The following THSD7B variants were observed in gnomAD, a reference collection of about 807,000 sequenced individuals.
THSD7B encodes the protein thrombospondin type 1 domain containing 7B.
In THSD7B, 138 loss-of-function variants were observed where a neutral mutation model predicts 213.6. The observed-to-expected ratio is 0.65, with a 90% confidence interval of 0.56 to 0.74. The LOEUF is 0.74. Ranked by LOEUF, THSD7B falls within the 30% of genes least tolerant of loss-of-function variation. The probability of loss-of-function intolerance (pLI) is 0.00; values close to 1 mark genes in which losing one functional copy is unlikely to be tolerated. For missense variants in THSD7B, 1,931 were observed against 1,991.5 expected (o/e 0.97, Z 0.58); for synonymous variants, 742 against 687.0 (o/e 1.08, Z -1.25).
At chr2:136,802,335 T>A (rs1189562510) in intron 1 of THSD7B, among the ~76,000 whole-genome samples, 1 of 151,784 alleles carries the variant, frequency 6.6e-6, no homozygotes, top group African/African-American at 2.4e-5. Context: ...TTTTGCAATA[T>A]GTGTACAGTG....
chr2:136,786,542 G>A lies in THSD7B; in HGVS notation c.-36+20855G>A, dbSNP rs188640884. Among the ~76,000 whole-genome samples the A allele has an allele frequency of 5.0e-3, 753 of 152,094 alleles. 4 individuals carry two copies. Among genetic ancestry groups the A allele is most frequent in the South Asian group, 0.018 (89 of 4,816 alleles). On this transcript the variant is annotated intron_variant, in intron 1 of 27. Coordinates refer to ENST00000409968, the MANE Select transcript of THSD7B (RefSeq NM_001316349.2). Reference sequence around the variant, plus strand: ...TGATTGCTTCTTCAATGTGTTGCTTGCTTGGCTTGTTTCTCTTGTATTTAT... The same window carrying A: ...TGATTGCTTCTTCAATGTGTTGCTTACTTGGCTTGTTTCTCTTGTATTTAT...
rs914896060 is a variant in THSD7B at position 137,094,735 on chromosome 2, C to A, written c.951-138C>A. 6 of 1,046,256 alleles carry A rather than the reference C, an allele frequency of 5.7e-6. No homozygotes were observed. In the East Asian group the frequency reaches 1.5e-4, roughly 25 times the overall value. The allele number at this position is 1,046,256 out of a possible 1,614,324, so 64.8% of individuals were successfully genotyped here. A position where few individuals can be genotyped will look rare whatever the true frequency, so the allele number is the denominator to read the frequency against. On this transcript the variant is annotated intron_variant, in intron 3 of 27. Transcript: ENST00000409968. ...ACTCTTCAATATTTTTTCATGATGT[C>A]TCTAAAATTTTTTAAAAATCTTCCT...
At chr2:137,076,593 C>T (rs948822956) in intron 3 of THSD7B, among the ~76,000 whole-genome samples, 10 of 152,136 alleles carry the variant, frequency 6.6e-5, no homozygotes, top group South Asian at 6.3e-4. Context: ...CTGCACCCAC[C>T]GTCCTGGGCC....
intron 10 of THSD7B, among the ~76,000 whole-genome samples, chr2:137,255,081 T>C (rs898353768): frequency 2.0e-5 from 3 of 152,228 alleles, no homozygotes; most frequent in African/African-American, 7.2e-5. Flanking sequence ...AATAACATTA[T>C]ATATGACCAA....
At chr2:137,581,766 A>G (rs528475227) in intron 17 of THSD7B, among the ~76,000 whole-genome samples, 2 of 141,612 alleles carry the variant, frequency 1.4e-5, no homozygotes, top group African/African-American at 5.2e-5. Flanking sequence ...TCTCAAAAAA[A>G]AAAATAAAAA....
intron 20 of THSD7B, among the ~76,000 whole-genome samples, chr2:137,635,102 G>C (rs1682809055): frequency 1.3e-5 from 2 of 152,124 alleles, no homozygotes; most frequent in Non-Finnish European, 2.9e-5. Flanking sequence ...AGAGGAAAAG[G>C]CTCAGAGAGG....
intron 12 of THSD7B, among the ~76,000 whole-genome samples, chr2:137,398,854 T>A (rs1574006287): frequency 6.6e-6 from 1 of 152,248 alleles, no homozygotes; most frequent in East Asian, 1.9e-4. Flanking sequence ...AGGTGCGGGA[T>A]ATAATCTCTT....
chr2:137,530,534 G>A (rs966037543), intron 15 of THSD7B, among the ~76,000 whole-genome samples: 5 of 152,008 alleles, frequency 3.3e-5, no homozygotes, highest in African/African-American at 1.2e-4. Context: ...AGTCAGCTTG[G>A]TCATCAGCCT....
Position 137,336,794 on chromosome 2 carries a change from CT to C in THSD7B, c.2500+60771del, listed in dbSNP as rs143787814. On this transcript the variant is annotated intron_variant, in intron 12 of 27. Transcript: ENST00000409968. ...TATCGAAGCATTACATACATAAAAG[CT>C]TTCCATTATTTTTTAAAAGTATTCA... 7.3e-3 allele frequency among the ~76,000 whole-genome samples: 1,113 copies of C among 152,178 alleles called. 16 individuals carry two copies. Among genetic ancestry groups the C allele is most frequent in the African/African-American group, 0.025 (1,037 of 41,514 alleles).
chr2:137,323,759 C>T (rs920177177), intron 12 of THSD7B, among the ~76,000 whole-genome samples: 1 of 152,112 alleles, frequency 6.6e-6, no homozygotes, highest in Admixed American at 6.6e-5. Context: ...CTAGGGTGAA[C>T]TGGTAATTTT....
At chr2:137,109,579 A>G (rs1467704337) in intron 4 of THSD7B, among the ~76,000 whole-genome samples, 1 of 152,146 alleles carries the variant, frequency 6.6e-6, no homozygotes, top group Non-Finnish European at 1.5e-5. Flanking sequence ...GCAGTGATGG[A>G]TCATCAGGCA....
intron 17 of THSD7B, among the ~76,000 whole-genome samples, 193 bp from the exon 18 acceptor site, chr2:137,615,982 A>G (rs1682378577): frequency 6.6e-6 from 1 of 152,214 alleles, no homozygotes; most frequent in Admixed American, 6.5e-5. Flanking sequence ...AGGAAAAACA[A>G]AAGAGTTGTC....
intron 3 of THSD7B, among the ~76,000 whole-genome samples, chr2:137,061,503 G>A (rs1439434254): frequency 7.5e-6 from 1 of 132,524 alleles, no homozygotes; most frequent in Non-Finnish European, 1.6e-5. Flanking sequence ...TTTTTTTTTT[G>A]TAGGTGTTTT....
intron 15 of THSD7B, among the ~76,000 whole-genome samples, chr2:137,546,371 TATATAA>T (rs1312414123): frequency 3.7e-5 from 2 of 54,746 alleles, no homozygotes; most frequent in East Asian, 4.9e-4. Flanking sequence ...ATTATATATA[TATATAA>T]TATATATATT....
At chr2:136,844,150 G>A (rs766221660) in intron 1 of THSD7B, among the ~76,000 whole-genome samples, 6 of 152,132 alleles carry the variant, frequency 3.9e-5, no homozygotes, top group African/African-American at 7.2e-5. Context: ...TCGGGATCCA[G>A]TCAGGTATAC....
intron 17 of THSD7B, among the ~76,000 whole-genome samples, chr2:137,588,397 T>C (rs755774182): frequency 9.9e-5 from 15 of 152,086 alleles, no homozygotes; most frequent in Non-Finnish European, 1.8e-4. Context: ...CAGTTGGAAA[T>C]GCAGAAATCA....
intron 2 of THSD7B, among the ~76,000 whole-genome samples, chr2:136,911,994 T>G (rs1298803116): frequency 6.6e-6 from 1 of 151,962 alleles, no homozygotes; most frequent in African/African-American, 2.4e-5. Context: ...GGCTGTTGGA[T>G]AGCGGAATGC....
rs145262535 is a variant in THSD7B at position 136,902,265 on chromosome 2, G to A, written c.139+19948G>A. ...CTTGTTTAGGATGACTAAATTAGCA[G>A]TCTGAACTTTGATGTCAGAACTGAC... On this transcript the variant is annotated intron_variant, in intron 2 of 27. Transcript: ENST00000409968. 3.1e-3 allele frequency among the ~76,000 whole-genome samples: 478 copies of A among 152,322 alleles called. 3 individuals carry two copies. The highest frequency in any genetic ancestry group is 0.011 in the African/African-American group (459 of 41,574).
chr2:137,488,286 A>G (rs1688510809), intron 15 of THSD7B, among the ~76,000 whole-genome samples: 1 of 152,190 alleles, frequency 6.6e-6, no homozygotes, highest in African/African-American at 2.4e-5. Flanking sequence ...TAAGGTATTC[A>G]TATGTATATG....
Sources: gnomAD v4.1 joint callset for allele counts (sites outside exome capture counted in the v4.1 genomes callset) on GRCh38, gnomAD v4.1.1 for gene constraint, MANE v1.5 for transcripts, NCBI Gene and HGNC (gene_info 2026-07-23, HGNC 2026-07-21) for gene names.